Variants in PLD3 observed in about 807,000 individuals in gnomAD.
PLD3 encodes phospholipase D family member 3, also known as 5'-3' exonuclease PLD3.
PLD3 carries 31 observed loss-of-function variants against 58.4 expected under a neutral mutation model. That is an observed-to-expected ratio of 0.53 (90% CI 0.40 to 0.72). PLD3 has a LOEUF of 0.72. Ranked by LOEUF, PLD3 falls within the 30% of genes least tolerant of loss-of-function variation. The probability of loss-of-function intolerance (pLI) is 0.00; values close to 1 mark genes in which losing one functional copy is unlikely to be tolerated. For synonymous variants in PLD3, 264 were observed against 273.4 expected (o/e 0.97, Z 0.34); for missense variants, 595 against 659.8 (o/e 0.90, Z 1.08).
intron 1 of PLD3, among the ~76,000 whole-genome samples, chr19:40,350,966 G>A (rs760149591): frequency 6.6e-5 from 10 of 151,990 alleles, no homozygotes; most frequent in Non-Finnish European, 1.2e-4. Flanking sequence ...GGCTGGGCAC[G>A]GTGGCTCACG....
At chr19:40,373,741 C>T (rs1163555309) in intron 9 of PLD3, among the ~76,000 whole-genome samples, 2 of 152,028 alleles carry the variant, frequency 1.3e-5, no homozygotes, top group Non-Finnish European at 2.9e-5. Context: ...AATCCCAGCA[C>T]TTTGGGAGGC....
At chr19:40,376,381 G>A in intron 10 of PLD3, 1 of 472,476 alleles carries the variant, frequency 2.1e-6, no homozygotes, top group Non-Finnish European at 3.7e-6. Context: ...GAATAAAAGA[G>A]GATGACAACA....
At position 40,377,925 on chromosome 19, in the gene PLD3, G is replaced by A. The variant is rs773179281; in HGVS notation, c.1285+40G>A. 9.9e-6 allele frequency: 16 copies of A among 1,612,716 alleles called. No homozygotes were observed. The Admixed American group carries it at 2.3e-4, about 24-fold the overall frequency. On this transcript the variant is annotated intron_variant, in intron 12 of 12. Coordinates refer to ENST00000409735, the MANE Select transcript of PLD3 (RefSeq NM_012268.4). ...CACCACGGGGCGCTGAAGAAGAGGG[G>A]GTTCAGACACCAGGGGCGGCCCCCC...
Position 40,377,810 on chromosome 19 carries a change from G to A in PLD3, c.1210G>A (p.Glu404Lys), listed in dbSNP as rs138709390. ...GAAACTCTTTGTGGTCCCCGCGGAT[G>A]AGGCCCAGGCTCGAATCCCATATGC... ...QVKLFVVPAD[E>K]AQARIPYARV... The change falls in exon 12 of 13, where the codon GAG becomes AAG. Residue 404 changes from glutamate (E) to lysine (K), a missense_variant. Glu to Lys is a moderately conservative substitution (Grantham distance 56, BLOSUM62 1). Transcript: ENST00000409735. 1.4e-4 allele frequency: 219 copies of A among 1,613,828 alleles called. No individual in the cohort carries two copies. Among genetic ancestry groups the A allele is most frequent in the Non-Finnish European group, 1.8e-4 (212 of 1,179,838 alleles).
chr19:40,357,666 C>G (rs1281351817), intron 1 of PLD3: 1 of 152,200 alleles, frequency 6.6e-6, no homozygotes, highest in East Asian at 1.9e-4. Flanking sequence ...ATTTTCTATT[C>G]TGCTGCTCCA....
chr19:40,359,671 A>C (rs1049897975), intron 1 of PLD3: 1 of 152,120 alleles, frequency 6.6e-6, no homozygotes, highest in South Asian at 2.1e-4. Context: ...CATAGAAGTT[A>C]TATGTGCATT....
chr19:40,361,803 T>C (rs562336701), intron 1 of PLD3, among the ~76,000 whole-genome samples: 34 of 150,776 alleles, frequency 2.3e-4, no homozygotes, highest in African/African-American at 8.2e-4. Flanking sequence ...TACTACCTTC[T>C]AACATTATAT....
Position 40,364,653 on chromosome 19 carries a change from G to A in PLD3, c.-278-1065G>A, listed in dbSNP as rs149559432. 4.3e-3 allele frequency among the ~76,000 whole-genome samples: 653 copies of A among 151,940 alleles called. 2 individuals are homozygous for A. The highest frequency in any genetic ancestry group is 0.015 in the African/African-American group (615 of 41,460). The stretch of plus-strand genomic sequence containing the variant: ...AAAAAATACAAAAAAAAAATTAGCC[G>A]GGCATGGTGGCGGGCGCCTGTAGTC... On this transcript the variant is annotated intron_variant, in intron 1 of 12. Coordinates refer to ENST00000409735, the MANE Select transcript of PLD3 (RefSeq NM_012268.4).
chr19:40,354,276 G>A (rs1373235715), intron 1 of PLD3, among the ~76,000 whole-genome samples: 3 of 151,740 alleles, frequency 2.0e-5, no homozygotes, highest in African/African-American at 7.3e-5. Flanking sequence ...GTTTCACCAT[G>A]TTGGTCAGGC....
chr19:40,351,373 G>A (rs1409366092), intron 1 of PLD3, among the ~76,000 whole-genome samples: 21 of 152,104 alleles, frequency 1.4e-4, no homozygotes, highest in African/African-American at 4.6e-4. Context: ...GTGAAACCTC[G>A]TCTCTACTAA....
chr19:40,350,248 G>A (rs548411954), intron 1 of PLD3, among the ~76,000 whole-genome samples: 45 of 123,188 alleles, frequency 3.7e-4, no homozygotes, highest in African/African-American at 1.3e-3. Flanking sequence ...CAACAAGAGC[G>A]AGACTCCGTC....
intron 1 of PLD3, among the ~76,000 whole-genome samples, chr19:40,352,397 G>A (rs1259613670): frequency 6.6e-6 from 1 of 152,138 alleles, no homozygotes; most frequent in Non-Finnish European, 1.5e-5. Flanking sequence ...CAGGCAGCAG[G>A]GGATCTACAG....
At position 40,377,970 on chromosome 19, in the gene PLD3, A is replaced by G; in HGVS notation, c.1286-16A>G. On this transcript the variant is annotated splice_polypyrimidine_tract_variant and intron_variant, in intron 12 of 12. Transcript: ENST00000409735. ...CCCCCCGAGGGTGCCCTTATGCTCC[A>G]CCCATTCCTCTCTAGGAACCTCCAA... 1 of 1,612,374 alleles carries G rather than the reference A, an allele frequency of 6.2e-7. No homozygotes were observed. The highest frequency in any genetic ancestry group is 8.5e-7 in the Non-Finnish European group (1 of 1,178,816).
intron 1 of PLD3, chr19:40,360,259 G>A (rs780139491): frequency 1.7e-4 from 26 of 152,208 alleles, no homozygotes; most frequent in Non-Finnish European, 3.1e-4. Context: ...CCCTTTCTTC[G>A]ACACTTGGCT....
chr19:40,349,777 G>T (rs895826525), intron 1 of PLD3, among the ~76,000 whole-genome samples: 1 of 151,512 alleles, frequency 6.6e-6, no homozygotes, highest in Non-Finnish European at 1.5e-5. Flanking sequence ...TGATCAACAT[G>T]GAGAAACCCC....
intron 8 of PLD3, chr19:40,370,848 A>G (rs1425604623): frequency 6.5e-6 from 1 of 152,892 alleles, no homozygotes; most frequent in East Asian, 1.9e-4. Context: ...GTCCAGCCCT[A>G]TCCTGGGTAA....
Position 40,366,437 on chromosome 19 carries a change from C to A in PLD3, c.-47C>A. The A allele has an allele frequency of 6.3e-7, 1 of 1,595,956 alleles. No individual in the cohort carries two copies. The highest frequency in any genetic ancestry group is 8.6e-7 in the Non-Finnish European group (1 of 1,163,534). On this transcript the variant is annotated 5_prime_UTR_variant, in exon 3 of 13. Coordinates refer to ENST00000409735, the MANE Select transcript of PLD3 (RefSeq NM_012268.4). ...CTGCCAGTTTGGAGACCCTGACACA[C>A]CCACCTTCTCACCTGGGCTCTGCGT...
In PLD3 at chr19:40,377,806, G is replaced by A. The variant is rs760619897; in HGVS notation, c.1206G>A (p.Ala402=). Residue 402 remains alanine (A), a synonymous_variant, in exon 12 of 13, where the codon GCG becomes GCA. Transcript: ENST00000409735. ...CTCAGAAACTCTTTGTGGTCCCCGC[G>A]GATGAGGCCCAGGCTCGAATCCCAT... The part of the protein sequence containing the change: ...DIQVKLFVVP[A]DEAQARIPYA... 4 of 1,613,856 alleles carry A rather than the reference G, an allele frequency of 2.5e-6. No individual in the cohort carries two copies. The highest frequency in any genetic ancestry group is 2.2e-5 in the East Asian group (1 of 44,866).
intron 1 of PLD3, among the ~76,000 whole-genome samples, chr19:40,365,079 T>A (rs1336321010): frequency 5.9e-5 from 9 of 152,186 alleles, no homozygotes; most frequent in African/African-American, 2.2e-4. Context: ...TCAGTAATAC[T>A]CCTTTTCTGC....
Sources: allele counts gnomAD v4.1 joint callset (sites outside exome capture counted in the v4.1 genomes callset), GRCh38; gene constraint gnomAD v4.1.1; transcripts MANE v1.5; gene names NCBI Gene and HGNC (gene_info 2026-07-23, HGNC 2026-07-21).